Variants in HHAT observed in about 807,000 individuals in gnomAD.
HHAT encodes the protein protein-cysteine N-palmitoyltransferase HHAT.
In HHAT, 47 loss-of-function variants were observed where a neutral mutation model predicts 70.8. The ratio of observed to expected loss-of-function variants is 0.66; its 90% CI spans 0.53 to 0.85. The LOEUF is 0.85. Among genes scored for constraint, HHAT ranks in the 40% least tolerant of loss-of-function variants. The pLI is 0.00. For missense variants in HHAT, 609 were observed against 604.8 expected, an observed-to-expected ratio of 1.01 and a Z score of -0.07; for synonymous variants, 228 against 247.6, an observed-to-expected ratio of 0.92 and a Z score of 0.74.
chr1:210,336,406 A>G (rs2085505553), intron 1 of HHAT, among the ~76,000 whole-genome samples: 1 of 149,228 alleles, frequency 6.7e-6, no homozygotes, highest in Non-Finnish European at 1.5e-5. Flanking sequence ...AGAATTACAG[A>G]TGTGAGCCAC....
intron 11 of HHAT, among the ~76,000 whole-genome samples, chr1:210,656,223 C>T (rs1050756365): frequency 5.3e-5 from 8 of 152,126 alleles, no homozygotes; most frequent in East Asian, 1.9e-4. Flanking sequence ...TTTTATTTAT[C>T]TTCATGTCCC....
In HHAT at chr1:210,366,798, C is replaced by T. The variant is rs182817979; in HGVS notation, c.159+3879C>T. On this transcript the variant is annotated intron_variant, in intron 3 of 11. Coordinates refer to ENST00000261458, the MANE Select transcript of HHAT (RefSeq NM_018194.6). ...TTTGCCATTCTTACCTTTACTCATC[C>T]TGTTCCTCTTCTGGATTGGGGCTCA... is the stretch of plus-strand genomic sequence containing the variant. Among the ~76,000 whole-genome samples the T allele has an allele frequency of 7.0e-3, 1,059 of 152,306 alleles. 17 individuals are homozygous for T. Among genetic ancestry groups the T allele is most frequent in the African/African-American group, 0.024 (988 of 41,550 alleles).
intron 9 of HHAT, among the ~76,000 whole-genome samples, chr1:210,522,949 G>A (rs2095182985): frequency 6.6e-6 from 1 of 152,174 alleles, no homozygotes; most frequent in Admixed American, 6.5e-5. Flanking sequence ...TGAATGGGAT[G>A]AAGTGTGTCA....
At chr1:210,592,533 A>G (rs1307765861) in intron 10 of HHAT, among the ~76,000 whole-genome samples, 1 of 132,188 alleles carries the variant, frequency 7.6e-6, no homozygotes, top group Non-Finnish European at 1.7e-5. Flanking sequence ...GTGGTTCCAT[A>G]TAAGTTTTAG....
In HHAT at chr1:210,461,871, A is replaced by G. The variant is rs182695156; in HGVS notation, c.857-2634A>G. On this transcript the variant is annotated intron_variant, in intron 7 of 11. Transcript: ENST00000261458. ...AGTGACAGGAAAATAGAGCACTTGT[A>G]TGACTTCTTGTGCTTTCCATTCACA... 2.5e-4 allele frequency among the ~76,000 whole-genome samples: 38 copies of G among 152,314 alleles called. No individual in the cohort carries two copies. In the East Asian group the frequency reaches 6.4e-3, roughly 26 times the overall value.
At chr1:210,341,178 G>T (rs186300541) in intron 1 of HHAT, among the ~76,000 whole-genome samples, 37 of 152,322 alleles carry the variant, frequency 2.4e-4, no homozygotes, top group African/African-American at 8.4e-4. Flanking sequence ...TAGAAGTGAC[G>T]ATGGTGATGC....
At chr1:210,503,600 T>C (rs977727040) in intron 8 of HHAT, among the ~76,000 whole-genome samples, 1 of 152,200 alleles carries the variant, frequency 6.6e-6, no homozygotes, top group African/African-American at 2.4e-5. Context: ...CAACCTTGTT[T>C]GTTTCATCTT....
At chr1:210,522,275 C>T (rs1464520581) in intron 9 of HHAT, among the ~76,000 whole-genome samples, 1 of 152,016 alleles carries the variant, frequency 6.6e-6, no homozygotes, top group South Asian at 2.1e-4. Flanking sequence ...ATCTTTTATC[C>T]CTGCCTGATG....
chr1:210,566,620 T>TC (rs902015145), intron 9 of HHAT, among the ~76,000 whole-genome samples: 3 of 151,972 alleles, frequency 2.0e-5, no homozygotes, highest in Non-Finnish European at 4.4e-5. Context: ...AGAAGGAATG[T>TC]CTGAATGCTG....
At chr1:210,383,234 G>A (rs767216085) in intron 3 of HHAT, among the ~76,000 whole-genome samples, 10 of 152,124 alleles carry the variant, frequency 6.6e-5, no homozygotes, top group Non-Finnish European at 1.2e-4. Context: ...CAGCTACTTG[G>A]GAGGCTGAGG....
chr1:210,409,591 A>T (rs990948503), intron 6 of HHAT, among the ~76,000 whole-genome samples: 1 of 152,182 alleles, frequency 6.6e-6, no homozygotes, highest in African/African-American at 2.4e-5. Flanking sequence ...CCTAGACCCA[A>T]GCAGAGAGAA....
chr1:210,376,014 A>AT (rs57707354), intron 3 of HHAT, among the ~76,000 whole-genome samples: 13,994 of 108,886 alleles, frequency 0.13, 1,053 homozygotes, highest in East Asian at 0.25. Flanking sequence ...TGCACAGCTA[A>AT]TTTTTTTTTT....
At chr1:210,654,263 G>A (rs1244751179) in intron 11 of HHAT, among the ~76,000 whole-genome samples, 1 of 73,562 alleles carries the variant, frequency 1.4e-5, no homozygotes, top group African/African-American at 5.1e-5. Context: ...ATGCACTGGC[G>A]ACCAATAGAA....
intron 5 of HHAT, among the ~76,000 whole-genome samples, chr1:210,403,700 G>GT (rs143149751): frequency 6.6e-6 from 1 of 152,210 alleles, no homozygotes; most frequent in East Asian, 1.9e-4. Context: ...TCCATAAATA[G>GT]TTTTTCTCAC....
At chr1:210,455,313 G>A (rs756109064) in intron 7 of HHAT, among the ~76,000 whole-genome samples, 7 of 152,154 alleles carry the variant, frequency 4.6e-5, no homozygotes, top group Non-Finnish European at 1.0e-4. Flanking sequence ...GAGCAAATCT[G>A]TTCATCTGGA....
At chr1:210,498,071 G>C (rs554398860) in intron 8 of HHAT, among the ~76,000 whole-genome samples, 99 of 152,026 alleles carry the variant, frequency 6.5e-4, no homozygotes, top group African/African-American at 2.2e-3. Flanking sequence ...TTTTATTTAT[G>C]TATCAGTTGA....
At chr1:210,331,216 G>A (rs1249920096) in intron 1 of HHAT, among the ~76,000 whole-genome samples, 2 of 151,970 alleles carry the variant, frequency 1.3e-5, no homozygotes, top group Admixed American at 6.6e-5. Flanking sequence ...TGGGACCCCT[G>A]AGCTTGTTTT....
chr1:210,622,824 G>A (rs1669111066), intron 10 of HHAT, among the ~76,000 whole-genome samples: 1 of 152,180 alleles, frequency 6.6e-6, no homozygotes, highest in African/African-American at 2.4e-5. Context: ...AGGGGATCAT[G>A]CTGATCTTGA....
intron 3 of HHAT, chr1:210,374,034 G>C (rs1206289072): frequency 1.3e-5 from 2 of 152,200 alleles, no homozygotes; most frequent in Non-Finnish European, 2.9e-5. Flanking sequence ...GAAAACAAGA[G>C]TTAACTGTCT....
Sources: gnomAD v4.1 joint callset for allele counts (sites outside exome capture counted in the v4.1 genomes callset) on GRCh38, gnomAD v4.1.1 for gene constraint, MANE v1.5 for transcripts, NCBI Gene and HGNC (gene_info 2026-07-23, HGNC 2026-07-21) for gene names.